Variants in CFAP61 observed in about 807,000 individuals in gnomAD.
The protein encoded by CFAP61 is cilia and flagella associated protein 61, also known as cilia- and flagella-associated protein 61.
A neutral mutation model predicts 135.6 loss-of-function variants in CFAP61; 107 were observed. That is an observed-to-expected ratio of 0.79 (90% confidence interval 0.67 to 0.93). CFAP61 has a LOEUF of 0.93. CFAP61 is among the 40% of genes least tolerant of loss of function. The pLI, the probability that CFAP61 is intolerant of heterozygous loss-of-function variation, is 0.00. For missense variants in CFAP61, 1,507 were observed against 1,556.2 expected, an observed-to-expected ratio of 0.97 and a Z score of 0.53; for synonymous variants, 575 against 578.5, an observed-to-expected ratio of 0.99 and a Z score of 0.09.
intron 2 of CFAP61, among the ~76,000 whole-genome samples, chr20:20,060,638 ATCCTGTCACTTAC>A (rs1399002369): frequency 1.3e-5 from 2 of 152,236 alleles, no homozygotes; most frequent in African/African-American, 4.8e-5. Context: ...TGAGCCACAC[ATCCTGTCACTTAC>A]GCCTTTGTGT....
intron 2 of CFAP61, among the ~76,000 whole-genome samples, chr20:20,059,533 G>A (rs573168722): frequency 6.5e-4 from 98 of 151,824 alleles, no homozygotes; most frequent in African/African-American, 2.1e-3. Flanking sequence ...CAGGAGAATC[G>A]CTTGAACCTG....
intron 22 of CFAP61, 60 bp from the exon 23 acceptor site, chr20:20,288,527 ATGCCCTGGAGACTAGTCACACT>A (rs2054760437): frequency 9.4e-7 from 1 of 1,064,652 alleles, no homozygotes; most frequent in African/African-American, 1.6e-5. Flanking sequence ...GAATAATAAA[ATGCCCTGGAGACTAGTCACACT>A]TTTGGGAAGG....
chr20:20,065,630 AG>A (rs1162455774), intron 2 of CFAP61, among the ~76,000 whole-genome samples: 2 of 151,168 alleles, frequency 1.3e-5, no homozygotes, highest in East Asian at 1.9e-4. Context: ...AAAAAAAAAA[AG>A]GTGGTTCTTT....
chr20:20,347,048 A>G (rs1318754812), intron 26 of CFAP61, among the ~76,000 whole-genome samples: 3 of 152,238 alleles, frequency 2.0e-5, no homozygotes, highest in Non-Finnish European at 4.4e-5. Context: ...TAAAATTATT[A>G]TATTCTCCAA....
intron 24 of CFAP61, among the ~76,000 whole-genome samples, chr20:20,292,240 G>A (rs1280766020): frequency 6.6e-6 from 1 of 152,216 alleles, no homozygotes; most frequent in Non-Finnish European, 1.5e-5. Flanking sequence ...CCAGTAAGTG[G>A]TGAAGATGGC....
chr20:20,073,411 A>C (rs911336973), intron 3 of CFAP61, among the ~76,000 whole-genome samples: 1 of 152,196 alleles, frequency 6.6e-6, no homozygotes, highest in Non-Finnish European at 1.5e-5. Flanking sequence ...ATCCGACAGA[A>C]GTGGGGACAA....
intron 22 of CFAP61, among the ~76,000 whole-genome samples, chr20:20,286,942 T>C (rs1378110328): frequency 6.6e-6 from 1 of 152,260 alleles, no homozygotes; most frequent in African/African-American, 2.4e-5. Flanking sequence ...TCTGTGAGGA[T>C]GCTGAAGGAG....
chr20:20,095,406 C>T (rs562409692), intron 7 of CFAP61, among the ~76,000 whole-genome samples: 1 of 152,240 alleles, frequency 6.6e-6, no homozygotes, highest in African/African-American at 2.4e-5. Context: ...TTCTGAACAG[C>T]CATGGCAGTT....
At chr20:20,294,293 G>A (rs186223957) in intron 24 of CFAP61, among the ~76,000 whole-genome samples, 3 of 152,316 alleles carry the variant, frequency 2.0e-5, no homozygotes, top group Non-Finnish European at 2.9e-5. Flanking sequence ...TTCTGTCAGC[G>A]ACTGTGAATA....
intron 24 of CFAP61, among the ~76,000 whole-genome samples, chr20:20,293,413 AT>A (rs374488801): frequency 4.1e-4 from 63 of 152,106 alleles, no homozygotes; most frequent in Admixed American, 4.0e-3. Context: ...ATCTAAACAG[AT>A]TTTTTTTCCA....
chr20:20,158,500 A>G (rs918202981), intron 9 of CFAP61, among the ~76,000 whole-genome samples: 3 of 152,238 alleles, frequency 2.0e-5, no homozygotes, highest in African/African-American at 7.2e-5. Context: ...TAGAAAGATT[A>G]AGCATTCCAA....
chr20:20,103,113 G>T (rs1304928124), intron 8 of CFAP61, among the ~76,000 whole-genome samples: 1 of 152,086 alleles, frequency 6.6e-6, no homozygotes, highest in African/African-American at 2.4e-5. Flanking sequence ...TTCCATGACT[G>T]CTTGTCCTGA....
At chr20:20,301,224 C>T (rs1446196646) in intron 25 of CFAP61, among the ~76,000 whole-genome samples, 1 of 152,074 alleles carries the variant, frequency 6.6e-6, no homozygotes, top group Non-Finnish European at 1.5e-5. Context: ...ATCTTTTATG[C>T]CATATTTTTA....
intron 6 of CFAP61, among the ~76,000 whole-genome samples, chr20:20,080,030 T>C (rs1428843424): frequency 6.6e-6 from 1 of 152,222 alleles, no homozygotes. Context: ...ATCTTGTAAG[T>C]AGTGTAACAA....
chr20:20,330,331 G>A (rs978103025), intron 25 of CFAP61, among the ~76,000 whole-genome samples: 37 of 151,872 alleles, frequency 2.4e-4, no homozygotes, highest in African/African-American at 8.5e-4. Flanking sequence ...CAGACTAGCC[G>A]TTTTTTGTTT....
At chr20:20,229,343 TAA>T in intron 18 of CFAP61, among the ~76,000 whole-genome samples, 1 of 152,346 alleles carries the variant, frequency 6.6e-6, no homozygotes, top group Non-Finnish European at 1.5e-5. Context: ...ATTTATTTTT[TAA>T]AAAGTTTCAT....
intron 17 of CFAP61, among the ~76,000 whole-genome samples, chr20:20,212,036 C>T (rs1165178250): frequency 6.6e-6 from 1 of 152,282 alleles, no homozygotes; most frequent in African/African-American, 2.4e-5. Context: ...TGACAATGTC[C>T]CATAGAATTA....
At chr20:20,112,712 A>T (rs1489877209) in intron 8 of CFAP61, among the ~76,000 whole-genome samples, 1 of 152,206 alleles carries the variant, frequency 6.6e-6, no homozygotes, top group East Asian at 1.9e-4. Flanking sequence ...GTGGCTGCTG[A>T]TTGTTCGAAT....
chr20:20,274,923 G>A (rs2053631845), intron 21 of CFAP61, among the ~76,000 whole-genome samples: 2 of 152,112 alleles, frequency 1.3e-5, no homozygotes, highest in South Asian at 4.1e-4. Flanking sequence ...CACTCAGGCA[G>A]TCATCTCCCA....
Sources: gnomAD v4.1 joint callset for allele counts (sites outside exome capture counted in the v4.1 genomes callset) on GRCh38, gnomAD v4.1.1 for gene constraint, MANE v1.5 for transcripts, NCBI Gene and HGNC (gene_info 2026-07-23, HGNC 2026-07-21) for gene names.